Variants in EDDM13 observed in about 807,000 individuals in gnomAD.
EDDM13 encodes the protein epididymal protein 13.
Under a neutral mutation model 17.8 loss-of-function variants are expected in EDDM13, and 24 were observed. That is an observed-to-expected ratio of 1.35 (90% confidence interval 0.98 to 1.90). The LOEUF (loss-of-function observed/expected upper bound fraction) is 1.90. Among genes scored for constraint, EDDM13 ranks in the 40% most tolerant of loss-of-function variants. The pLI is 0.00. For synonymous variants in EDDM13, 31 were observed against 37.5 expected (o/e 0.83, Z 0.63); for missense variants, 97 against 100.8 (o/e 0.96, Z 0.16).
At chr19:56,304,964 C>G (rs1300534746) in intron 14 of EDDM13, 134 bp downstream of exon 14, 2 of 199,658 alleles carry the variant, frequency 1.0e-5, no homozygotes, top group Non-Finnish European at 1.8e-5. Context: ...CCCAGAATTC[C>G]ATGAGAAGTC....
At chr19:56,302,508 TC>T (rs2040331753) in intron 13 of EDDM13, among the ~76,000 whole-genome samples, 3 of 37,760 alleles carry the variant, frequency 7.9e-5, no homozygotes, top group African/African-American at 4.1e-4. Context: ...TCTCTGCCCT[TC>T]TTTCCTTCCT....
intron 13 of EDDM13, among the ~76,000 whole-genome samples, chr19:56,303,828 T>C (rs1290649716): frequency 2.0e-5 from 3 of 151,786 alleles, no homozygotes; most frequent in Non-Finnish European, 1.5e-5. Flanking sequence ...CGTCTGGACA[T>C]AAGAGATGAG....
Position 56,301,991 on chromosome 19 carries a change from C to T in EDDM13, c.319C>T (p.Pro107Ser). 2 of 1,232,092 alleles carry T rather than the reference C, an allele frequency of 1.6e-6. No individual in the cohort carries two copies. The highest frequency in any genetic ancestry group is 2.0e-6 in the Non-Finnish European group (2 of 988,272). The allele number at this position is 1,232,092 out of a possible 1,614,324, so 76.3% of individuals were successfully genotyped here. A position where few individuals can be genotyped will look rare whatever the true frequency, so the allele number is the denominator to read the frequency against. Residue 107 changes from proline to serine, a missense_variant, in exon 13 of 15, where the codon CCA (proline) becomes TCA (serine). Pro to Ser is a moderately conservative substitution (Grantham distance 74). Transcript: ENST00000649256. The stretch of plus-strand genomic sequence containing the variant: ...AGTTAAACCCTTCTCAGGCACCACC[C>T]CATCCAGGAAACCACTCCCCAAGAG... ...EEVKPFSGTT[P>S]SRKPLPKRKN...
intron 13 of EDDM13, among the ~76,000 whole-genome samples, chr19:56,302,654 CCT>C (rs144249191): frequency 5.8e-5 from 7 of 121,188 alleles, no homozygotes; most frequent in South Asian, 3.1e-4. Context: ...TTCTTCCCCC[CCT>C]CCCTGTTCTT....
chr19:56,308,231 A>G (rs112425437), intron 14 of EDDM13, among the ~76,000 whole-genome samples: 1,593 of 151,816 alleles, frequency 0.01, 32 homozygotes, highest in African/African-American at 0.036. Flanking sequence ...ACGGGGTTTC[A>G]CCATGTTGGC....
Position 56,288,908 on chromosome 19 carries a change from T to C in EDDM13, c.226+17T>C, listed in dbSNP as rs545121592. ...AAGAAGAAAGTAAGTACTGTGACAG[T>C]TTTTGTCTCTGAAATTAGATTCTCA... is the stretch of plus-strand genomic sequence containing the variant. On this transcript the variant is annotated intron_variant, in intron 8 of 14. Coordinates refer to ENST00000649256, the MANE Select transcript of EDDM13 (RefSeq NM_001354658.2). 1.1e-3 allele frequency among the ~76,000 whole-genome samples: 168 copies of C among 152,248 alleles called. 1 individual carries two copies. Among genetic ancestry groups the C allele is most frequent in the Non-Finnish European group, 1.3e-4 (9 of 68,020 alleles).
intron 9 of EDDM13, among the ~76,000 whole-genome samples, chr19:56,292,456 T>TACTTTTTTTTTTTTTTTTA (rs1307073944): frequency 1.6e-4 from 24 of 151,490 alleles, no homozygotes; most frequent in Admixed American, 1.4e-3. Context: ...TGTCTGTTTT[T>TACTTTTTTTTTTTTTTTTA]ACTTTTTTTT....
In EDDM13 at chr19:56,302,430, CCCTTCCTT is replaced by C. The variant is rs141392462; in HGVS notation, c.423+340_423+347del. ...CTCCTCCCTTCATCCCTCCCTTTCTCCCTTCCTTCCTTTCTTCCTCTCTCCGTCTGCTT... is the reference window on the plus strand; with the variant it reads ...CTCCTCCCTTCATCCCTCCCTTTCTCCCTTTCTTCCTCTCTCCGTCTGCTT... On this transcript the variant is annotated intron_variant, in intron 13 of 14. Transcript: ENST00000649256. 3.4e-3 allele frequency among the ~76,000 whole-genome samples: 455 copies of C among 135,220 alleles called. 11 individuals are homozygous for C. The East Asian group carries it at 0.08, about 24-fold the overall frequency. 88.7% of individuals were successfully genotyped at this position (135,220 alleles called of 152,430 possible). A position where few individuals can be genotyped will look rare whatever the true frequency, so the allele number is the denominator to read the frequency against.
intron 6 of EDDM13, chr19:56,286,767 A>G (rs2039154641): frequency 6.6e-6 from 1 of 152,242 alleles, no homozygotes; most frequent in Non-Finnish European, 1.5e-5. Context: ...GTACCCAAGG[A>G]GTTCAAGCTG....
At chr19:56,274,375 A>C (rs2038090008) in intron 1 of EDDM13, 1 of 151,474 alleles carries the variant, frequency 6.6e-6, no homozygotes, top group African/African-American at 2.4e-5. Context: ...AATCGCTTGA[A>C]CTCAGGAGGT....
chr19:56,285,009 A>G lies in EDDM13; in HGVS notation c.139A>G (p.Arg47Gly). Residue 47 changes from arginine (R) to glycine (G), a missense_variant, in exon 6 of 15, where the codon AGA becomes GGA. Transcript: ENST00000649256. The stretch of plus-strand genomic sequence containing the variant: ...GTCTTCTTCCTCAGGTCTCATGAGC[A>G]GACTGTCACCGGATGGTAAGTGTCA... ...LLKGIIGLMS[R>G]LSPDGLRHNI... The G allele has an allele frequency of 2.0e-6, 2 of 985,406 alleles. No individual in the cohort carries two copies. The highest frequency in any genetic ancestry group is 2.4e-6 in the Non-Finnish European group (2 of 829,872). 61.0% of individuals were successfully genotyped at this position (985,406 alleles called of 1,614,324 possible).
At chr19:56,296,426 T>C (rs1028374836) in intron 11 of EDDM13, 64 bp downstream of exon 11, 1 of 151,798 alleles carries the variant, frequency 6.6e-6, no homozygotes, top group Non-Finnish European at 1.5e-5. Flanking sequence ...GTACTGGTTT[T>C]TTCTATGGTG....
intron 13 of EDDM13, among the ~76,000 whole-genome samples, chr19:56,302,532 C>CCCACCCCCCTTCCTT: frequency 3.7e-5 from 1 of 26,678 alleles, no homozygotes; most frequent in South Asian, 1.7e-3. Flanking sequence ...CTCCCTCCCT[C>CCCACCCCCCTTCCTT]TTCTTCCTCC....
At chr19:56,302,228 A>G (rs1443830081) in intron 13 of EDDM13, 133 bp downstream of exon 13, 3 of 487,864 alleles carry the variant, frequency 6.1e-6, no homozygotes, top group African/African-American at 2.0e-5. Flanking sequence ...GCCCTTCTGT[A>G]AAACACTCTC....
chr19:56,283,387 A>G (rs2038860664), intron 4 of EDDM13: 3 of 152,184 alleles, frequency 2.0e-5, no homozygotes, highest in Admixed American at 2.0e-4. Flanking sequence ...TCCAAACAGG[A>G]AACAATATCT....
chr19:56,293,342 G>C (rs566242742), intron 9 of EDDM13, among the ~76,000 whole-genome samples: 1 of 152,230 alleles, frequency 6.6e-6, no homozygotes. Context: ...CTTAAGCCCA[G>C]TCTGGATCCC....
chr19:56,305,028 C>T (rs2040593036), intron 14 of EDDM13, among the ~76,000 whole-genome samples, 198 bp downstream of exon 14: 1 of 152,156 alleles, frequency 6.6e-6, no homozygotes, highest in African/African-American at 2.4e-5. Flanking sequence ...CAAGGAAACA[C>T]ATTGTAAATG....
intron 12 of EDDM13, among the ~76,000 whole-genome samples, chr19:56,300,884 C>T (rs1600229302): frequency 6.6e-6 from 1 of 152,264 alleles, no homozygotes; most frequent in East Asian, 1.9e-4. Context: ...GAAAGAAACA[C>T]TCTTGCACCT....
chr19:56,281,705 C>T lies in EDDM13; in HGVS notation c.109+7C>T. On this transcript the variant is annotated splice_region_variant and intron_variant, in intron 3 of 14. Coordinates refer to ENST00000649256, the MANE Select transcript of EDDM13 (RefSeq NM_001354658.2). ...CTGCCCCTTCCAGTCAACTGTAAGT[C>T]ATATCTCCTTCTCCCTACATAAATG... 1 of 985,352 alleles carries T rather than the reference C, an allele frequency of 1.0e-6. No homozygotes were observed. The highest frequency in any genetic ancestry group is 1.1e-4 in the East Asian group (1 of 8,814). 61.0% of individuals were successfully genotyped at this position (985,352 alleles called of 1,614,324 possible). A position where few individuals can be genotyped will look rare whatever the true frequency, so the allele number is the denominator to read the frequency against.
Sources: allele counts gnomAD v4.1 joint callset (sites outside exome capture counted in the v4.1 genomes callset), GRCh38; gene constraint gnomAD v4.1.1; transcripts MANE v1.5; gene names NCBI Gene and HGNC (gene_info 2026-07-23, HGNC 2026-07-21).